Variants in ACSS3 observed in about 807,000 individuals in gnomAD.
ACSS3 encodes acyl-CoA synthetase short-chain family member 3, mitochondrial.
Under a neutral mutation model 84.2 loss-of-function variants are expected in ACSS3, and 64 were observed. The ratio of observed to expected loss-of-function variants is 0.76; its 90% CI spans 0.62 to 0.94. ACSS3 has a LOEUF of 0.94. ACSS3 is among the 40% of genes least tolerant of loss of function. The pLI, the probability that ACSS3 is intolerant of heterozygous loss-of-function variation, is 0.00. For synonymous variants in ACSS3, 317 were observed against 310.1 expected (o/e 1.02, Z -0.23); for missense variants, 815 against 867.6 (o/e 0.94, Z 0.76).
At chr12:81,221,505 A>G (rs2033107163) in intron 11 of ACSS3, among the ~76,000 whole-genome samples, 2 of 152,146 alleles carry the variant, frequency 1.3e-5, no homozygotes, top group South Asian at 2.1e-4. Context: ...TTTTAACTAT[A>G]TAGAAAGCTA....
chr12:81,166,255 G>A lies in ACSS3; in HGVS notation c.1099-8533G>A, dbSNP rs191811158. On this transcript the variant is annotated intron_variant, in intron 7 of 15. Coordinates refer to ENST00000548058, the MANE Select transcript of ACSS3 (RefSeq NM_024560.4). ...GTGTCAGGTGGCTATTGTAAGAGAT[G>A]AAAAGGGAGCTGAAAATGGCTCTGA... is the stretch of plus-strand genomic sequence containing the variant. 1.1e-4 allele frequency among the ~76,000 whole-genome samples: 16 copies of A among 152,282 alleles called. No individual in the cohort carries two copies. The East Asian group carries it at 3.1e-3, about 29-fold the overall frequency.
chr12:81,101,237 T>C (rs1565975402), intron 1 of ACSS3, among the ~76,000 whole-genome samples: 1 of 152,132 alleles, frequency 6.6e-6, no homozygotes, highest in South Asian at 2.1e-4. Context: ...TATTTGATTA[T>C]AATTAAGCTG....
intron 2 of ACSS3, chr12:81,125,859 A>T (rs748813176): frequency 1.3e-5 from 2 of 152,180 alleles, no homozygotes; most frequent in African/African-American, 4.8e-5. Context: ...GCTAAAACCC[A>T]AACTGTGGCC....
chr12:81,157,420 G>C (rs1044284069), intron 7 of ACSS3, among the ~76,000 whole-genome samples: 1 of 152,178 alleles, frequency 6.6e-6, no homozygotes, highest in African/African-American at 2.4e-5. Flanking sequence ...ATAAAAGCCT[G>C]ATTGTTTCTC....
intron 1 of ACSS3, among the ~76,000 whole-genome samples, chr12:81,103,983 A>T (rs1882750854): frequency 6.6e-6 from 1 of 152,200 alleles, no homozygotes; most frequent in Admixed American, 6.5e-5. Flanking sequence ...CATATATGAT[A>T]TGAAGTCTTG....
At position 81,258,299 on chromosome 12, in the gene ACSS3, G is replaced by A. The variant is rs1178160790; in HGVS notation, c.*3377G>A. ...TTATTTTTTTTATTGACAATGGAAA[G>A]GGTTTCTGTTATCATTACCTTTTGA... On this transcript the variant is annotated 3_prime_UTR_variant, in exon 16 of 16. Coordinates refer to ENST00000548058, the MANE Select transcript of ACSS3 (RefSeq NM_024560.4). The A allele has an allele frequency of 6.6e-6, 1 of 151,998 alleles. No individual in the cohort carries two copies. The highest frequency in any genetic ancestry group is 1.9e-4 in the East Asian group (1 of 5,182). The allele number at this position is 151,998 out of a possible 1,614,324, so 9.4% of individuals were successfully genotyped here. A position where few individuals can be genotyped will look rare whatever the true frequency, so the allele number is the denominator to read the frequency against.
intron 9 of ACSS3, among the ~76,000 whole-genome samples, chr12:81,212,032 T>C (rs1412992275): frequency 6.6e-6 from 1 of 152,224 alleles, no homozygotes; most frequent in African/African-American, 2.4e-5. Flanking sequence ...TCACATGTCT[T>C]CTCTTCTTTC....
At chr12:81,192,690 A>C (rs925661162) in intron 8 of ACSS3, among the ~76,000 whole-genome samples, 16 of 152,196 alleles carry the variant, frequency 1.1e-4, no homozygotes, top group Non-Finnish European at 1.8e-4. Flanking sequence ...TCCTTTCCCA[A>C]GAAATTATTA....
At position 81,109,584 on chromosome 12, in the gene ACSS3, T is replaced by C. The variant is rs1357631078; in HGVS notation, c.336T>C (p.Ile112=). Residue 112 remains isoleucine (I), a synonymous_variant, in exon 2 of 16, where the codon ATT becomes ATC. Coordinates refer to ENST00000548058, the MANE Select transcript of ACSS3 (RefSeq NM_024560.4). ...TRWFVEGMLN[I]CYNAVDRHIE... is the part of the protein sequence containing the mutation. ...GGTTTGTGGAAGGAATGCTTAACAT[T>C]TGTTACAATGCCGTTGATCGTCATA... The C allele has an allele frequency of 6.2e-7, 1 of 1,611,268 alleles. No homozygotes were observed.
chr12:81,165,913 G>A (rs769790621), intron 7 of ACSS3, among the ~76,000 whole-genome samples: 10 of 152,142 alleles, frequency 6.6e-5, no homozygotes, highest in Non-Finnish European at 1.0e-4. Context: ...ATTGAGTGTT[G>A]AGTGATCAGA....
chr12:81,191,612 G>T (rs888380101), intron 8 of ACSS3, among the ~76,000 whole-genome samples: 5 of 152,266 alleles, frequency 3.3e-5, no homozygotes, highest in African/African-American at 1.2e-4. Flanking sequence ...TTCCTGTGAT[G>T]CAGACTGCTT....
At chr12:81,123,103 A>G (rs901782754) in intron 2 of ACSS3, among the ~76,000 whole-genome samples, 47 of 152,312 alleles carry the variant, frequency 3.1e-4, no homozygotes, top group African/African-American at 1.1e-3. Flanking sequence ...AAGGGAGGGA[A>G]ATAAATGAAT....
intron 1 of ACSS3, among the ~76,000 whole-genome samples, chr12:81,088,088 C>A (rs1412333073): frequency 6.6e-6 from 1 of 152,074 alleles, no homozygotes; most frequent in Non-Finnish European, 1.5e-5. Context: ...TTAGCTTTGG[C>A]CACTGCAATA....
At chr12:81,086,687 A>T (rs1397114045) in intron 1 of ACSS3, among the ~76,000 whole-genome samples, 5 of 152,214 alleles carry the variant, frequency 3.3e-5, no homozygotes, top group Non-Finnish European at 1.5e-5. Flanking sequence ...AAGGACAAAA[A>T]AAATCCAGTG....
chr12:81,127,467 A>T (rs923205343), intron 2 of ACSS3, among the ~76,000 whole-genome samples: 1 of 152,198 alleles, frequency 6.6e-6, no homozygotes, highest in Non-Finnish European at 1.5e-5. Flanking sequence ...TACAAGTAAA[A>T]CAAACAAAAA....
chr12:81,105,051 G>A (rs1882863634), intron 1 of ACSS3, among the ~76,000 whole-genome samples: 1 of 152,144 alleles, frequency 6.6e-6, no homozygotes, highest in East Asian at 1.9e-4. Flanking sequence ...GTCTAGATAT[G>A]ATTTACTCAT....
chr12:81,121,765 A>G (rs888153487), intron 2 of ACSS3, among the ~76,000 whole-genome samples: 1 of 152,188 alleles, frequency 6.6e-6, no homozygotes, highest in Middle Eastern at 3.4e-3. Flanking sequence ...TGATGCCTCA[A>G]TTCTCTTGTC....
intron 13 of ACSS3, among the ~76,000 whole-genome samples, chr12:81,245,287 C>G (rs961682760): frequency 2.0e-5 from 3 of 152,108 alleles, no homozygotes; most frequent in Non-Finnish European, 4.4e-5. Context: ...CAGTGAAACC[C>G]CGTCTCTACT....
intron 1 of ACSS3, among the ~76,000 whole-genome samples, chr12:81,084,490 G>C (rs1453651483): frequency 6.6e-6 from 1 of 152,172 alleles, no homozygotes; most frequent in Admixed American, 6.5e-5. Context: ...ATGAGGAATT[G>C]ATGGGGCAAT....
Sources: gnomAD v4.1 joint callset for allele counts (sites outside exome capture counted in the v4.1 genomes callset) on GRCh38, gnomAD v4.1.1 for gene constraint, MANE v1.5 for transcripts, NCBI Gene and HGNC (gene_info 2026-07-23, HGNC 2026-07-21) for gene names.